The following NCALD variants were observed in gnomAD, a reference collection of about 807,000 sequenced individuals.
The protein encoded by NCALD is neurocalcin delta, also known as neurocalcin-delta.
In NCALD, 10 loss-of-function variants were observed where a neutral mutation model predicts 18.6. That is an observed-to-expected ratio of 0.54 (90% CI 0.33 to 0.91). The LOEUF is 0.91. Ranked by LOEUF, NCALD falls within the 40% of genes least tolerant of loss-of-function variation. The probability of loss-of-function intolerance (pLI) is 0.03; values close to 1 mark genes in which losing one functional copy is unlikely to be tolerated. For synonymous variants in NCALD, 88 were observed against 87.4 expected (o/e 1.01, Z -0.04); for missense variants, 184 against 247.6 (o/e 0.74, Z 1.72).
At chr8:102,063,921 G>A (rs1021243795) in intron 1 of NCALD, among the ~76,000 whole-genome samples, 1 of 152,136 alleles carries the variant, frequency 6.6e-6, no homozygotes, top group African/African-American at 2.4e-5. Flanking sequence ...CCAGTATTTA[G>A]AACCCCAGAA....
chr8:101,789,285 C>T (rs1484725322), intron 1 of NCALD, among the ~76,000 whole-genome samples: 2 of 152,034 alleles, frequency 1.3e-5, no homozygotes, highest in African/African-American at 4.8e-5. Flanking sequence ...AATATGGCCT[C>T]TGGGTTATTA....
At chr8:102,116,465 T>C (rs1825790596) in intron 1 of NCALD, among the ~76,000 whole-genome samples, 1 of 152,028 alleles carries the variant, frequency 6.6e-6, no homozygotes, top group Admixed American at 6.5e-5. Flanking sequence ...AAGACTTTTT[T>C]GGGTTTCTTT....
chr8:101,754,286 C>G (rs760671616), intron 1 of NCALD, among the ~76,000 whole-genome samples: 22 of 152,172 alleles, frequency 1.4e-4, no homozygotes, highest in Admixed American at 2.6e-4. Flanking sequence ...CAAAATCTGA[C>G]TTTATTCTCT....
chr8:101,691,672 T>C, intron 3 of NCALD: 1 of 985,410 alleles, frequency 1.0e-6, no homozygotes, highest in Admixed American at 6.1e-5. Context: ...ATAGGATGTT[T>C]CCAAATGGAA....
At chr8:101,981,888 G>A (rs540993994) in intron 2 of NCALD, among the ~76,000 whole-genome samples, 2 of 152,268 alleles carry the variant, frequency 1.3e-5, no homozygotes, top group Admixed American at 6.5e-5. Flanking sequence ...ATGCTGAAAT[G>A]TCAATGTTGG....
chr8:101,689,148 C>T lies in NCALD; in HGVS notation c.*161G>A, dbSNP rs766123357. The T allele has an allele frequency of 1.5e-5, 11 of 730,814 alleles. No homozygotes were observed. Among genetic ancestry groups the T allele is most frequent in the Non-Finnish European group, 2.2e-5 (9 of 409,008 alleles). 45.3% of individuals were successfully genotyped at this position (730,814 alleles called of 1,614,324 possible). On this transcript the variant is annotated 3_prime_UTR_variant, in exon 4 of 4. Coordinates refer to ENST00000220931, the MANE Select transcript of NCALD (RefSeq NM_032041.3). The surrounding 1 kb of genome is among the most constrained non-coding windows in gnomAD (Gnocchi z 4.4). ...TCTGGGCATTCCCACGAAGCATCCA[C>T]GACAAAAGAAGCTGAAGGCGTCACG...
intron 1 of NCALD, among the ~76,000 whole-genome samples, chr8:101,761,283 G>C (rs1811098024): frequency 6.6e-6 from 1 of 152,154 alleles, no homozygotes. Flanking sequence ...TCATCTTTGG[G>C]TGCTTTAACG....
At chr8:101,839,249 G>C (rs114565949) in intron 4 of NCALD, among the ~76,000 whole-genome samples, 2,188 of 152,098 alleles carry the variant, frequency 0.014, 42 homozygotes, top group African/African-American at 0.05. Context: ...GGGGAGAGAG[G>C]GCCAGATCTA....
chr8:102,064,924 G>A (rs1380416960), intron 1 of NCALD, among the ~76,000 whole-genome samples: 1 of 142,506 alleles, frequency 7.0e-6, no homozygotes, highest in African/African-American at 2.7e-5. Context: ...GGATTTATGG[G>A]AACCCCAGTC....
intron 2 of NCALD, among the ~76,000 whole-genome samples, chr8:101,943,869 A>T (rs1819056102): frequency 6.6e-6 from 1 of 151,250 alleles, no homozygotes. Flanking sequence ...TGAACTAGGG[A>T]GGCGGAGGTT....
At chr8:101,908,239 G>T (rs150002071) in intron 3 of NCALD, among the ~76,000 whole-genome samples, 1 of 152,316 alleles carries the variant, frequency 6.6e-6, no homozygotes, top group Admixed American at 6.5e-5. Context: ...GCAGGAATTC[G>T]CAATAATCCA....
At chr8:101,906,267 C>A (rs1817607943) in intron 3 of NCALD, among the ~76,000 whole-genome samples, 1 of 152,184 alleles carries the variant, frequency 6.6e-6, no homozygotes, top group Non-Finnish European at 1.5e-5. Context: ...CTTGAATTTT[C>A]TGATATATAG....
intron 4 of NCALD, among the ~76,000 whole-genome samples, chr8:101,827,296 A>G (rs967208664): frequency 6.6e-6 from 1 of 152,192 alleles, no homozygotes; most frequent in Non-Finnish European, 1.5e-5. Context: ...GCCCACCCAC[A>G]TAATCCAGGA....
intron 2 of NCALD, among the ~76,000 whole-genome samples, chr8:101,970,532 T>C (rs1172668407): frequency 6.6e-6 from 1 of 152,178 alleles, no homozygotes; most frequent in Non-Finnish European, 1.5e-5. Context: ...GTTTTGGTTG[T>C]ACAGGCTAAC....
intron 2 of NCALD, among the ~76,000 whole-genome samples, chr8:101,943,325 G>A (rs1266613876): frequency 3.3e-5 from 5 of 152,150 alleles, no homozygotes; most frequent in Non-Finnish European, 7.3e-5. Flanking sequence ...TCAACTTTTA[G>A]CATAATCTAA....
At chr8:101,799,289 C>T (rs1812751558) in intron 4 of NCALD, among the ~76,000 whole-genome samples, 1 of 152,076 alleles carries the variant, frequency 6.6e-6, no homozygotes, top group Non-Finnish European at 1.5e-5. Flanking sequence ...CTACCAAATG[C>T]CAGCAAGGAT....
chr8:102,044,691 G>C (rs1823177128), intron 1 of NCALD, among the ~76,000 whole-genome samples: 1 of 152,226 alleles, frequency 6.6e-6, no homozygotes, highest in Admixed American at 6.5e-5. Context: ...GGTGTCCAAA[G>C]GCTTGAGGGG....
intron 1 of NCALD, among the ~76,000 whole-genome samples, chr8:101,787,909 A>C (rs527814707): frequency 5.9e-4 from 90 of 152,332 alleles, no homozygotes; most frequent in African/African-American, 2.0e-3. Flanking sequence ...TGCTATGAGC[A>C]CATGAACTAC....
intron 1 of NCALD, among the ~76,000 whole-genome samples, chr8:102,033,140 A>T (rs1269704): frequency 0.63 from 95,367 of 151,938 alleles, 30,257 homozygotes; most frequent in East Asian, 0.86. Context: ...ACCCCTCAAG[A>T]CATCACTTCT....
Sources: allele counts gnomAD v4.1 joint callset (sites outside exome capture counted in the v4.1 genomes callset), GRCh38; gene constraint gnomAD v4.1.1; non-coding constraint Gnocchi (gnomAD v3.1); transcripts MANE v1.5; gene names NCBI Gene and HGNC (gene_info 2026-07-23, HGNC 2026-07-21).